Variants in DPP6 observed in about 807,000 individuals in gnomAD.
DPP6 encodes the protein dipeptidyl peptidase like 6, also known as A-type potassium channel modulatory protein DPP6.
DPP6 carries 69 observed loss-of-function variants against 122.6 expected under a neutral mutation model. That is an observed-to-expected ratio of 0.56 (90% confidence interval 0.46 to 0.69). The LOEUF is 0.69. Ranked by LOEUF, DPP6 falls within the 30% of genes least tolerant of loss-of-function variation. The pLI is 0.00. For synonymous variants in DPP6, 418 were observed against 433.1 expected (o/e 0.97, Z 0.43); for missense variants, 928 against 1,116.9 (o/e 0.83, Z 2.41).
intron 1 of DPP6, among the ~76,000 whole-genome samples, chr7:154,276,698 A>G (rs1804159599): frequency 6.6e-6 from 1 of 152,222 alleles, no homozygotes; most frequent in East Asian, 1.9e-4. Flanking sequence ...AGGTTGCCAC[A>G]AAGGCAGAAT....
chr7:154,585,059 G>T (rs979926735), intron 5 of DPP6, among the ~76,000 whole-genome samples: 3 of 152,070 alleles, frequency 2.0e-5, no homozygotes, highest in Non-Finnish European at 4.4e-5. Flanking sequence ...CCCCTGCTCT[G>T]CTTCCTTCAG....
intron 1 of DPP6, among the ~76,000 whole-genome samples, chr7:154,327,636 C>T (rs79625974): frequency 0.019 from 2,890 of 152,158 alleles, 32 homozygotes; most frequent in Non-Finnish European, 0.031. Flanking sequence ...CTTTCAAAGA[C>T]GGAACTAGAA....
At chr7:154,846,875 T>G (rs1014781688) in intron 16 of DPP6, among the ~76,000 whole-genome samples, 1 of 152,226 alleles carries the variant, frequency 6.6e-6, no homozygotes, top group African/African-American at 2.4e-5. Context: ...CGCTTAACCT[T>G]ATAATCTTCA....
At chr7:154,081,348 G>T (rs1305176238) in intron 1 of DPP6, among the ~76,000 whole-genome samples, 1 of 146,762 alleles carries the variant, frequency 6.8e-6, no homozygotes, top group Non-Finnish European at 1.5e-5. Context: ...AGACTCTGAT[G>T]CCTCCAGGGT....
chr7:154,272,399 G>A (rs1377207618), intron 1 of DPP6, among the ~76,000 whole-genome samples: 1 of 152,172 alleles, frequency 6.6e-6, no homozygotes, highest in Non-Finnish European at 1.5e-5. Context: ...TAGCATAATT[G>A]AAAAAGACAA....
intron 1 of DPP6, among the ~76,000 whole-genome samples, chr7:154,201,147 G>T (rs1229160171): frequency 6.6e-6 from 1 of 151,852 alleles, no homozygotes; most frequent in Non-Finnish European, 1.5e-5. Flanking sequence ...TTTTTTTTGA[G>T]ATGGAGTTTC....
chr7:153,760,705 A>G, the DPP6 span, among the ~76,000 whole-genome samples: 3 of 152,082 alleles, frequency 2.0e-5, no homozygotes, highest in Admixed American at 6.5e-5. Context: ...TGCGTATTCT[A>G]TGAAATGTCC....
chr7:154,268,773 C>T (rs898320437), intron 1 of DPP6, among the ~76,000 whole-genome samples: 4 of 152,082 alleles, frequency 2.6e-5, no homozygotes, highest in African/African-American at 7.2e-5. Flanking sequence ...ATGCTGCTGT[C>T]CTTTATTCAG....
intron 8 of DPP6, among the ~76,000 whole-genome samples, chr7:154,764,354 G>A (rs537739094): frequency 2.6e-5 from 4 of 152,278 alleles, no homozygotes; most frequent in African/African-American, 9.6e-5. Context: ...TGGCCAATGA[G>A]ATCTCCACTC....
At position 154,052,916 on chromosome 7, in the gene DPP6, G is replaced by T. The variant is rs1020125305; in HGVS notation, c.96G>T (p.Gly32=). 17 of 1,502,448 alleles carry T rather than the reference G, an allele frequency of 1.1e-5. No individual in the cohort carries two copies. The highest frequency in any genetic ancestry group is 1.4e-5 in the Non-Finnish European group (16 of 1,125,444). The allele number at this position is 1,502,448 out of a possible 1,614,324, so 93.1% of individuals were successfully genotyped here. The change falls in exon 1 of 26, where the codon GGG becomes GGT. Residue 32 remains glycine (G), a synonymous_variant. Coordinates refer to ENST00000377770, the MANE Select transcript of DPP6 (RefSeq NM_130797.4). This position sits in a 1 kb window ranked among gnomAD's most constrained non-coding sequence, Gnocchi z 4.8. The stretch of plus-strand genomic sequence containing the variant: ...CGAGTCACCTCCTGGGCGGCCAGGG[G>T]CCCGAGGAGGACGGCGGCGCAGGAG... ...PEASHLLGGQ[G]PEEDGGAGAK...
intron 1 of DPP6, among the ~76,000 whole-genome samples, chr7:154,434,993 T>C (rs918082564): frequency 6.6e-6 from 1 of 152,088 alleles, no homozygotes; most frequent in Non-Finnish European, 1.5e-5. Flanking sequence ...CACGCCCTTA[T>C]GCCCCATTAC....
intron 1 of DPP6, among the ~76,000 whole-genome samples, chr7:154,363,751 A>G (rs111297007): frequency 6.6e-6 from 1 of 152,346 alleles, no homozygotes; most frequent in Non-Finnish European, 1.5e-5. Flanking sequence ...ATCTTTCTTT[A>G]GCTAACATGT....
At chr7:154,889,627 A>T in intron 25 of DPP6, 97 bp downstream of exon 25, 1 of 1,529,574 alleles carries the variant, frequency 6.5e-7, no homozygotes, top group Non-Finnish European at 8.8e-7. Context: ...ACTGCAGCAG[A>T]CACGCCTGTG....
At chr7:153,838,726 ACAAG>A in the DPP6 span, among the ~76,000 whole-genome samples, 1 of 152,214 alleles carries the variant, frequency 6.6e-6, no homozygotes, top group Non-Finnish European at 1.5e-5. Flanking sequence ...TGAAACTGTA[ACAAG>A]CAAACAGTTA....
At chr7:154,716,735 AT>A in intron 7 of DPP6, among the ~76,000 whole-genome samples, 1 of 146,728 alleles carries the variant, frequency 6.8e-6, no homozygotes, top group Admixed American at 6.6e-5. Flanking sequence ...AGCTCAATAT[AT>A]TATGCCATTT....
At chr7:154,503,201 GAC>G (rs908084115) in intron 3 of DPP6, among the ~76,000 whole-genome samples, 39 of 152,322 alleles carry the variant, frequency 2.6e-4, no homozygotes, top group African/African-American at 9.1e-4. Context: ...TGGACAAAGT[GAC>G]AGGCTTAGCC....
chr7:153,964,412 G>C (rs1205475967), intron 1 of DPP6, among the ~76,000 whole-genome samples: 3 of 152,148 alleles, frequency 2.0e-5, no homozygotes, highest in Non-Finnish European at 1.5e-5. Flanking sequence ...AAATACCACA[G>C]GTTCTGGAGA....
At position 154,419,797 on chromosome 7, in the gene DPP6, T is replaced by A. The variant is rs140719729; in HGVS notation, c.244-26417T>A. ...AGGAACCTCTATACTCTTTTTCTCA[T>A]AACAGCAGCACCGTTTTGAATTCCC... On this transcript the variant is annotated intron_variant, in intron 1 of 25. Coordinates refer to ENST00000377770, the MANE Select transcript of DPP6 (RefSeq NM_130797.4). Among the ~76,000 whole-genome samples the A allele has an allele frequency of 9.8e-5, 15 of 152,310 alleles. No individual in the cohort carries two copies. In the East Asian group the frequency reaches 2.9e-3, roughly 29 times the overall value.
chr7:154,678,959 TTTGA>T (rs1200118717), intron 7 of DPP6, among the ~76,000 whole-genome samples: 38 of 152,024 alleles, frequency 2.5e-4, no homozygotes, highest in African/African-American at 8.7e-4. Flanking sequence ...AATAAATGTC[TTTGA>T]TTGTTGCTGC....
Sources: gnomAD v4.1 joint callset for allele counts (sites outside exome capture counted in the v4.1 genomes callset) on GRCh38, gnomAD v4.1.1 for gene constraint, Gnocchi (gnomAD v3.1) non-coding constraint, MANE v1.5 for transcripts, NCBI Gene and HGNC (gene_info 2026-07-23, HGNC 2026-07-21) for gene names.